DLG2: variants seen among roughly 807,000 people sequenced by gnomAD.
DLG2 encodes disks large homolog 2.
A neutral mutation model predicts 132.5 loss-of-function variants in DLG2; 45 were observed. The observed-to-expected ratio is 0.34, with a 90% CI of 0.27 to 0.44. DLG2 has a LOEUF of 0.44. DLG2 is among the 20% of genes least tolerant of loss of function. DLG2 has a pLI of 1.00. For missense variants in DLG2, 1,045 were observed against 1,196.9 expected, an observed-to-expected ratio of 0.87 and a Z score of 1.87; for synonymous variants, 424 against 419.6, an observed-to-expected ratio of 1.01 and a Z score of -0.13.
chr11:83,785,199 T>A (rs1008889119), intron 18 of DLG2, among the ~76,000 whole-genome samples: 1 of 151,930 alleles, frequency 6.6e-6, no homozygotes, highest in Non-Finnish European at 1.5e-5. Context: ...GGACTACAGG[T>A]GCCAGCTACC....
intron 3 of DLG2, among the ~76,000 whole-genome samples, chr11:85,368,837 G>A (rs757965405): frequency 2.0e-4 from 30 of 152,216 alleles, no homozygotes; most frequent in Non-Finnish European, 2.5e-4. Flanking sequence ...CGGTGGAACC[G>A]CAGGAAGTTC....
intron 3 of DLG2, among the ~76,000 whole-genome samples, chr11:85,345,615 G>A (rs1404770457): frequency 6.6e-6 from 1 of 152,096 alleles, no homozygotes; most frequent in African/African-American, 2.4e-5. Flanking sequence ...GGGCCATGCT[G>A]CATGGCTGCA....
intron 6 of DLG2, among the ~76,000 whole-genome samples, chr11:85,019,220 G>A (rs1019102502): frequency 6.6e-6 from 1 of 152,124 alleles, no homozygotes; most frequent in African/African-American, 2.4e-5. Flanking sequence ...TCATAAAGAG[G>A]TATCAAAATT....
chr11:85,228,088 C>T (rs983047093), intron 4 of DLG2, among the ~76,000 whole-genome samples: 2 of 152,088 alleles, frequency 1.3e-5, no homozygotes, highest in East Asian at 1.9e-4. Flanking sequence ...CTACCTGGCA[C>T]ACTCCATAAT....
intron 7 of DLG2, among the ~76,000 whole-genome samples, chr11:84,305,955 T>G (rs1389565457): frequency 6.6e-6 from 1 of 152,156 alleles, no homozygotes; most frequent in Non-Finnish European, 1.5e-5. Context: ...AAATAAAATA[T>G]TTTAAAAACA....
intron 15 of DLG2, among the ~76,000 whole-genome samples, chr11:83,909,897 C>T (rs790357): frequency 0.85 from 129,544 of 152,094 alleles, 55,398 homozygotes; most frequent in African/African-American, 0.93. Context: ...TCTTCCTCTA[C>T]TCCAGGGAAG....
intron 6 of DLG2, among the ~76,000 whole-genome samples, chr11:84,616,478 G>A (rs996409223): frequency 5.3e-5 from 8 of 152,048 alleles, no homozygotes; most frequent in Admixed American, 3.3e-4. Flanking sequence ...TTGCATGACC[G>A]TACAGTTTGG....
At chr11:85,621,132 G>A (rs544369101) in intron 2 of DLG2, among the ~76,000 whole-genome samples, 63 of 151,970 alleles carry the variant, frequency 4.1e-4, no homozygotes, top group African/African-American at 1.4e-3. Flanking sequence ...CTAAAAGTAG[G>A]TCAACAAAAG....
At chr11:85,438,741 T>C (rs189369376) in intron 3 of DLG2, among the ~76,000 whole-genome samples, 2 of 152,202 alleles carry the variant, frequency 1.3e-5, no homozygotes, top group African/African-American at 2.4e-5. Flanking sequence ...AATTTTATCA[T>C]GTACGTAGGT....
At chr11:83,946,819 CAA>C (rs1054045297) in intron 14 of DLG2, among the ~76,000 whole-genome samples, 47 of 152,248 alleles carry the variant, frequency 3.1e-4, no homozygotes, top group African/African-American at 9.9e-4. Flanking sequence ...CTGCAGAAAA[CAA>C]TGGTTCTGGG....
At chr11:83,900,547 G>T (rs2073125816) in intron 15 of DLG2, among the ~76,000 whole-genome samples, 1 of 152,206 alleles carries the variant, frequency 6.6e-6, no homozygotes, top group Non-Finnish European at 1.5e-5. Flanking sequence ...ATAGAGCTTG[G>T]GCTGTGGCTT....
intron 9 of DLG2, among the ~76,000 whole-genome samples, chr11:84,151,251 G>T (rs959788891): frequency 6.6e-6 from 1 of 151,546 alleles, no homozygotes; most frequent in Non-Finnish European, 1.5e-5. Flanking sequence ...GCTACCTAGG[G>T]TTTCAAATTC....
chr11:83,678,032 C>T (rs1182698494), intron 18 of DLG2, among the ~76,000 whole-genome samples: 9 of 152,154 alleles, frequency 5.9e-5, no homozygotes, highest in South Asian at 4.1e-4. Context: ...GGAAAATACA[C>T]CTGAAATTAG....
intron 9 of DLG2, among the ~76,000 whole-genome samples, chr11:84,127,234 G>A (rs1261459824): frequency 6.6e-6 from 1 of 152,140 alleles, no homozygotes; most frequent in African/African-American, 2.4e-5. Context: ...GCTTTCAGAG[G>A]AAACCCAAAT....
chr11:84,167,518 G>A (rs887345868), intron 8 of DLG2, among the ~76,000 whole-genome samples: 2 of 152,150 alleles, frequency 1.3e-5, no homozygotes, highest in African/African-American at 2.4e-5. Flanking sequence ...CCTGAAAAGA[G>A]GTTCTCCATA....
chr11:85,025,497 A>G (rs1275380917), intron 6 of DLG2, among the ~76,000 whole-genome samples: 3 of 152,228 alleles, frequency 2.0e-5, no homozygotes, highest in Non-Finnish European at 4.4e-5. Flanking sequence ...CTTCTAAACA[A>G]ATGATACAAC....
At chr11:83,722,891 T>C (rs892014648) in intron 18 of DLG2, among the ~76,000 whole-genome samples, 1 of 152,212 alleles carries the variant, frequency 6.6e-6, no homozygotes, top group Non-Finnish European at 1.5e-5. Context: ...CTTTATGAGC[T>C]GGCAATGATT....
chr11:83,695,492 C>T (rs2081739896), intron 18 of DLG2, among the ~76,000 whole-genome samples: 1 of 152,174 alleles, frequency 6.6e-6, no homozygotes, highest in Non-Finnish European at 1.5e-5. Context: ...CCTCTAATCC[C>T]AGCACTTTGG....
chr11:84,216,284 C>G (rs929619918), intron 8 of DLG2, among the ~76,000 whole-genome samples: 44 of 152,002 alleles, frequency 2.9e-4, no homozygotes, highest in Admixed American at 2.9e-3. Context: ...TACAGTGAAT[C>G]CCCCCAGAAA....
Sources: allele counts gnomAD v4.1 joint callset (sites outside exome capture counted in the v4.1 genomes callset), GRCh38; gene constraint gnomAD v4.1.1; transcripts MANE v1.5; gene names NCBI Gene and HGNC (gene_info 2026-07-23, HGNC 2026-07-21).